Variants in PYHIN1 observed in about 807,000 individuals in gnomAD.
The protein encoded by PYHIN1 is pyrin and HIN domain-containing protein 1.
A neutral mutation model predicts 43.7 loss-of-function variants in PYHIN1; 32 were observed. The observed-to-expected ratio is 0.73, with a 90% CI of 0.55 to 0.98. The LOEUF (loss-of-function observed/expected upper bound fraction) is 0.98. Among genes scored for constraint, PYHIN1 ranks in the 50% least tolerant of loss-of-function variants. The pLI is 0.00. For synonymous variants in PYHIN1, 205 were observed against 203.1 expected (o/e 1.01, Z -0.08); for missense variants, 588 against 589.5 (o/e 1.00, Z 0.03).
At chr1:158,943,305 A>T (rs1649034703) in intron 5 of PYHIN1, among the ~76,000 whole-genome samples, 1 of 152,186 alleles carries the variant, frequency 6.6e-6, no homozygotes, top group South Asian at 2.1e-4. Flanking sequence ...TGAGTTCAGG[A>T]TGGGAGCAGA....
chr1:158,936,753 A>G lies in PYHIN1; in HGVS notation c.-20-138A>G, dbSNP rs1200004683. Reference sequence around the variant, plus strand: ...ACAGCCAATATCATACTGAATGGAGAAAAACTGGAAGAATTCCCTTTGAAA... The same window carrying G: ...ACAGCCAATATCATACTGAATGGAGGAAAACTGGAAGAATTCCCTTTGAAA... On this transcript the variant is annotated intron_variant, in intron 1 of 8. Transcript: ENST00000368140. 4 of 482,160 alleles carry G rather than the reference A, an allele frequency of 8.3e-6. No homozygotes were observed. The East Asian group carries it at 1.1e-4, about 14-fold the overall frequency. The allele number at this position is 482,160 out of a possible 1,614,324, so 29.9% of individuals were successfully genotyped here.
intron 7 of PYHIN1, among the ~76,000 whole-genome samples, chr1:158,965,236 T>TA (rs1650567433): frequency 6.6e-6 from 1 of 152,078 alleles, no homozygotes; most frequent in African/African-American, 2.4e-5. Context: ...CCTAGACTCA[T>TA]AAAACAAGTT....
chr1:158,949,318 G>T (rs1399737812), intron 7 of PYHIN1, among the ~76,000 whole-genome samples: 2 of 152,198 alleles, frequency 1.3e-5, no homozygotes, highest in Non-Finnish European at 1.5e-5. Flanking sequence ...CTATAGGCTT[G>T]TTCCCCATGA....
the PYHIN1 span, among the ~76,000 whole-genome samples, chr1:158,989,347 C>T: frequency 6.6e-6 from 1 of 152,096 alleles, no homozygotes; most frequent in South Asian, 2.1e-4. Context: ...TAGTGAAGGT[C>T]AAGAGCGGAC....
intron 5 of PYHIN1, among the ~76,000 whole-genome samples, chr1:158,943,364 A>G (rs1450557197): frequency 6.6e-6 from 1 of 152,208 alleles, no homozygotes; most frequent in African/African-American, 2.4e-5. Context: ...GTAATTAGAT[A>G]GTTACTAGAA....
intron 5 of PYHIN1, 66 bp from the exon 6 acceptor site, chr1:158,943,724 G>A (rs1173172425): frequency 8.9e-6 from 11 of 1,232,614 alleles, no homozygotes; most frequent in Non-Finnish European, 8.0e-6. Flanking sequence ...TCTGTCACAA[G>A]AGACTTTCCT....
chr1:158,951,610 C>CT (rs898289149), intron 7 of PYHIN1, among the ~76,000 whole-genome samples: 1 of 152,186 alleles, frequency 6.6e-6, no homozygotes, highest in Admixed American at 6.5e-5. Context: ...CATCAGTAAA[C>CT]AGTGTTAAAG....
chr1:158,960,598 G>T lies in PYHIN1; in HGVS notation c.1360-13049G>T, dbSNP rs146956576. On this transcript the variant is annotated intron_variant, in intron 7 of 8. Transcript: ENST00000368140. ...TATGGCTCACTAGGTGAGCAGGAAA[G>T]TCTTGTGCCACTCATCATGGGTTTG... Among the ~76,000 whole-genome samples the T allele has an allele frequency of 3.5e-3, 527 of 152,314 alleles. 4 individuals are homozygous for T. Among genetic ancestry groups the T allele is most frequent in the Middle Eastern group, 0.01 (3 of 294 alleles).
Position 158,973,534 on chromosome 1 carries a change from CACATAT to C in PYHIN1, c.1360-109_1360-104del, listed in dbSNP as rs910380116. 1.1e-4 allele frequency: 114 copies of C among 1,018,414 alleles called. No homozygotes were observed. The African/African-American group carries it at 1.6e-3, about 15-fold the overall frequency. The allele number at this position is 1,018,414 out of a possible 1,614,324, so 63.1% of individuals were successfully genotyped here. On this transcript the variant is annotated intron_variant, in intron 7 of 8. Coordinates refer to ENST00000368140, the MANE Select transcript of PYHIN1 (RefSeq NM_152501.5). ...ACACACACACACACACACACACACA[CACATAT>C]ACACACATGTATTACATCCAACTTA...
At chr1:158,969,876 G>T (rs1387582747) in intron 7 of PYHIN1, among the ~76,000 whole-genome samples, 1 of 151,722 alleles carries the variant, frequency 6.6e-6, no homozygotes. Context: ...AATAATTTTA[G>T]AAAGAGGCAT....
intron 7 of PYHIN1, among the ~76,000 whole-genome samples, chr1:158,970,503 C>A (rs1405743444): frequency 6.6e-6 from 1 of 151,994 alleles, no homozygotes; most frequent in Admixed American, 6.6e-5. Flanking sequence ...AATATCACTT[C>A]TTGGCCTTTC....
Position 158,970,515 on chromosome 1 carries a change from A to G in PYHIN1, c.1360-3132A>G, listed in dbSNP as rs371292562. On this transcript the variant is annotated intron_variant, in intron 7 of 8. Coordinates refer to ENST00000368140, the MANE Select transcript of PYHIN1 (RefSeq NM_152501.5). The stretch of plus-strand genomic sequence containing the variant: ...TCCAATATCACTTCTTGGCCTTTCC[A>G]CTAAGATAACTGTAATATCTGATCT... 1.7e-4 allele frequency among the ~76,000 whole-genome samples: 26 copies of G among 152,062 alleles called. 2 individuals carry two copies. The South Asian group carries it at 5.4e-3, about 32-fold the overall frequency.
intron 7 of PYHIN1, among the ~76,000 whole-genome samples, chr1:158,952,281 TTG>T (rs1268699571): frequency 6.6e-6 from 1 of 152,056 alleles, no homozygotes; most frequent in East Asian, 1.9e-4. Context: ...GGCTGCGGAT[TTG>T]TGAGCTTCCC....
chr1:158,954,782 C>T (rs1649812228), intron 7 of PYHIN1, among the ~76,000 whole-genome samples: 1 of 150,548 alleles, frequency 6.6e-6, no homozygotes, highest in Admixed American at 6.6e-5. Flanking sequence ...GGACTAAATG[C>T]TCCAATTAAA....
chr1:158,970,105 T>C (rs1650851514), intron 7 of PYHIN1, among the ~76,000 whole-genome samples: 1 of 151,906 alleles, frequency 6.6e-6, no homozygotes, highest in Non-Finnish European at 1.5e-5. Flanking sequence ...TGACCATCTG[T>C]CATGACTCAT....
At chr1:158,958,307 G>A (rs1417991655) in intron 7 of PYHIN1, among the ~76,000 whole-genome samples, 10 of 147,022 alleles carry the variant, frequency 6.8e-5, no homozygotes, top group East Asian at 6.0e-4. Context: ...ACATGCACAC[G>A]TATGTTTATT....
chr1:158,935,537 A>C (rs1648477758), intron 1 of PYHIN1, among the ~76,000 whole-genome samples: 1 of 152,146 alleles, frequency 6.6e-6, no homozygotes, highest in Non-Finnish European at 1.5e-5. Flanking sequence ...TGCAATAGAG[A>C]AAATGTAGAT....
chr1:158,948,492 A>G (rs1475039888), intron 7 of PYHIN1, among the ~76,000 whole-genome samples: 3 of 152,168 alleles, frequency 2.0e-5, no homozygotes, highest in Non-Finnish European at 4.4e-5. Flanking sequence ...TTGCTGTTGG[A>G]ATGCCAGTGC....
At chr1:158,952,232 G>A (rs1012092817) in intron 7 of PYHIN1, among the ~76,000 whole-genome samples, 15 of 151,196 alleles carry the variant, frequency 9.9e-5, no homozygotes, top group South Asian at 4.2e-4. Flanking sequence ...GCTTCCTGTC[G>A]CAGCAGCTGT....
Sources: allele counts gnomAD v4.1 joint callset (sites outside exome capture counted in the v4.1 genomes callset), GRCh38; gene constraint gnomAD v4.1.1; transcripts MANE v1.5; gene names NCBI Gene and HGNC (gene_info 2026-07-23, HGNC 2026-07-21).